Variants in BTBD9 observed in about 807,000 individuals in gnomAD.
The protein encoded by BTBD9 is BTB/POZ domain-containing protein 9.
BTBD9 carries 49 observed loss-of-function variants against 64.3 expected under a neutral mutation model. That is an observed-to-expected ratio of 0.76 (90% CI 0.61 to 0.97). The LOEUF (loss-of-function observed/expected upper bound fraction) is 0.97. BTBD9 is among the 50% of genes least tolerant of loss of function. The pLI is 0.00. For synonymous variants in BTBD9, 260 were observed against 274.7 expected (o/e 0.95, Z 0.53); for missense variants, 598 against 762.1 (o/e 0.78, Z 2.53).
chr6:38,493,616 A>G (rs1395086854), intron 6 of BTBD9, among the ~76,000 whole-genome samples: 1 of 152,236 alleles, frequency 6.6e-6, no homozygotes, highest in East Asian at 1.9e-4. Context: ...CATTGCGAAG[A>G]CAGGTTTTAG....
chr6:38,422,133 C>T (rs1274816094), intron 6 of BTBD9, among the ~76,000 whole-genome samples: 3 of 152,170 alleles, frequency 2.0e-5, no homozygotes, highest in Non-Finnish European at 4.4e-5. Context: ...CTGGGTTCTG[C>T]TGGAGCACTT....
At chr6:38,213,943 C>T (rs1278222565) in intron 9 of BTBD9, among the ~76,000 whole-genome samples, 5 of 151,796 alleles carry the variant, frequency 3.3e-5, no homozygotes, top group African/African-American at 1.2e-4. Context: ...TTGCAGTGAG[C>T]TGAGATTGCG....
At chr6:38,278,088 T>G (rs1271081338) in intron 8 of BTBD9, among the ~76,000 whole-genome samples, 1 of 152,262 alleles carries the variant, frequency 6.6e-6, no homozygotes, top group African/African-American at 2.4e-5. Flanking sequence ...TAAACTTGGC[T>G]GGTAGGCTTT....
At chr6:38,631,242 C>A (rs1297655750) in intron 1 of BTBD9, among the ~76,000 whole-genome samples, 3 of 152,258 alleles carry the variant, frequency 2.0e-5, no homozygotes, top group East Asian at 3.9e-4. Context: ...CAGAGCATTT[C>A]CAGAAAATAC....
chr6:38,632,661 G>A (rs1436299345), intron 1 of BTBD9, among the ~76,000 whole-genome samples: 1 of 152,214 alleles, frequency 6.6e-6, no homozygotes, highest in Admixed American at 6.5e-5. Flanking sequence ...GCTGGGTGCA[G>A]TGACTCACAC....
intron 6 of BTBD9, among the ~76,000 whole-genome samples, chr6:38,428,858 G>A (rs1768304078): frequency 6.6e-6 from 1 of 150,972 alleles, no homozygotes; most frequent in South Asian, 2.1e-4. Context: ...GACTACAGGC[G>A]CCCACCACGC....
intron 8 of BTBD9, among the ~76,000 whole-genome samples, chr6:38,282,920 C>T (rs1265652831): frequency 6.6e-6 from 1 of 151,762 alleles, no homozygotes; most frequent in African/African-American, 2.4e-5. Flanking sequence ...TTTATTATCT[C>T]CCCTCAACCC....
intron 6 of BTBD9, among the ~76,000 whole-genome samples, chr6:38,372,879 T>C (rs1173834213): frequency 1.3e-5 from 2 of 152,236 alleles, no homozygotes; most frequent in East Asian, 3.8e-4. Flanking sequence ...TCAAATTCTA[T>C]ACAAACTCTT....
chr6:38,202,387 T>C (rs542431709), intron 9 of BTBD9, among the ~76,000 whole-genome samples: 1 of 151,718 alleles, frequency 6.6e-6, no homozygotes, highest in Non-Finnish European at 1.5e-5. Flanking sequence ...AGCCCAAAAA[T>C]GTCATTTTTT....
intron 1 of BTBD9, among the ~76,000 whole-genome samples, chr6:38,638,105 A>T (rs1462890708): frequency 6.6e-6 from 1 of 152,196 alleles, no homozygotes; most frequent in Non-Finnish European, 1.5e-5. Context: ...TTTCCTAACA[A>T]ATTTTAACTT....
intron 6 of BTBD9, among the ~76,000 whole-genome samples, chr6:38,432,347 T>G (rs1271036616): frequency 6.6e-6 from 1 of 152,028 alleles, no homozygotes; most frequent in Non-Finnish European, 1.5e-5. Context: ...ACAGGCTGAC[T>G]GTCCTCACTC....
chr6:38,403,252 A>T (rs1478244571), intron 6 of BTBD9, among the ~76,000 whole-genome samples: 3 of 152,220 alleles, frequency 2.0e-5, no homozygotes, highest in Non-Finnish European at 2.9e-5. Flanking sequence ...AAGCAAAAAG[A>T]CAACCCACAA....
At position 38,527,408 on chromosome 6, in the gene BTBD9, CCA is replaced by C. The variant is rs1773559464; in HGVS notation, c.1154+50190_1154+50191del. Among the ~76,000 whole-genome samples, 5 of 152,102 alleles carry C rather than the reference CCA, an allele frequency of 3.3e-5. No individual in the cohort carries two copies. In the South Asian group the frequency reaches 1.0e-3, roughly 32 times the overall value. ...GTATCAAGGGAGGAAACTGTAATCC[CCA>C]CATGTCAAGGGAGGGAGGTGACTGG... On this transcript the variant is annotated intron_variant, in intron 6 of 10. Transcript: ENST00000481247.
chr6:38,601,924 A>G (rs1777256075), intron 1 of BTBD9, among the ~76,000 whole-genome samples: 1 of 152,224 alleles, frequency 6.6e-6, no homozygotes, highest in Non-Finnish European at 1.5e-5. Flanking sequence ...AATATTAGTA[A>G]AAAGATCTGC....
intron 6 of BTBD9, among the ~76,000 whole-genome samples, chr6:38,363,847 T>A (rs906734048): frequency 5.3e-5 from 8 of 152,202 alleles, no homozygotes; most frequent in Non-Finnish European, 8.8e-5. Context: ...GAAAGCATCT[T>A]CTGGAATAAT....
chr6:38,298,281 A>G (rs1762236093), intron 7 of BTBD9, among the ~76,000 whole-genome samples: 1 of 152,190 alleles, frequency 6.6e-6, no homozygotes, highest in Admixed American at 6.5e-5. Context: ...ATTTTAGACA[A>G]GCATACCAGA....
intron 6 of BTBD9, among the ~76,000 whole-genome samples, chr6:38,357,632 A>G (rs949412021): frequency 6.6e-6 from 1 of 152,152 alleles, no homozygotes; most frequent in African/African-American, 2.4e-5. Flanking sequence ...TCTTTGCTGG[A>G]CTTACTGAGT....
At chr6:38,635,427 C>T (rs889961165) in intron 1 of BTBD9, among the ~76,000 whole-genome samples, 10 of 152,200 alleles carry the variant, frequency 6.6e-5, no homozygotes, top group African/African-American at 2.4e-4. Flanking sequence ...TGAGCCACCA[C>T]ACCTGGCCAC....
At chr6:38,197,620 T>C (rs1762309038) in intron 9 of BTBD9, among the ~76,000 whole-genome samples, 1 of 152,012 alleles carries the variant, frequency 6.6e-6, no homozygotes. Flanking sequence ...CCATTTGGGG[T>C]TGTGAGGACT....
Sources: allele counts gnomAD v4.1 joint callset (sites outside exome capture counted in the v4.1 genomes callset), GRCh38; gene constraint gnomAD v4.1.1; transcripts MANE v1.5; gene names NCBI Gene and HGNC (gene_info 2026-07-23, HGNC 2026-07-21).